The following APEX1 variants were observed in gnomAD, a reference collection of about 807,000 sequenced individuals.
APEX1 encodes the protein DNA repair nuclease/redox regulator APEX1.
APEX1 carries 32 observed loss-of-function variants against 33.2 expected under a neutral mutation model. That is an observed-to-expected ratio of 0.96 (90% CI 0.73 to 1.29). The LOEUF is 1.29. Among genes scored for constraint, APEX1 ranks in the 50% most tolerant of loss-of-function variants. The probability of loss-of-function intolerance (pLI) is 0.00; values close to 1 mark genes in which losing one functional copy is unlikely to be tolerated. For missense variants in APEX1, 442 were observed against 395.6 expected, an observed-to-expected ratio of 1.12 and a Z score of -0.99; for synonymous variants, 175 against 156.6, an observed-to-expected ratio of 1.12 and a Z score of -0.88.
In APEX1 at chr14:20,457,354, CTTATA is replaced by C; in HGVS notation, c.805_809del (p.Tyr269AspfsTer13). The C allele has an allele frequency of 6.2e-7, 1 of 1,614,244 alleles. No homozygotes were observed. Among genetic ancestry groups the C allele is most frequent in the Non-Finnish European group, 8.5e-7 (1 of 1,180,042 alleles). On this transcript the variant is annotated frameshift_variant, in exon 5 of 5. Transcript: ENST00000216714. LOFTEE classifies it high-confidence loss of function. ...ACACCCTATGCCTACACCTTTTGGA[CTTATA>C]TGATGAATGCTCGATCCAAGAATGT...
rs1190749588 is a variant in APEX1 at position 20,455,559 on chromosome 14, G to T, written c.-68-19G>T. Reference sequence around the variant, plus strand: ...TCTCCCCAGCCTTAGCTGGTTTCATGATTTCTTTGCGTCTGTAGGCAACGC... The same window carrying T: ...TCTCCCCAGCCTTAGCTGGTTTCATTATTTCTTTGCGTCTGTAGGCAACGC... On this transcript the variant is annotated intron_variant, in intron 1 of 4. Transcript: ENST00000216714. The T allele has an allele frequency of 3.7e-6, 6 of 1,608,662 alleles. No individual in the cohort carries two copies. Among genetic ancestry groups the T allele is most frequent in the South Asian group, 1.1e-5 (1 of 90,530 alleles).
At chr14:20,456,139 T>C (rs762774356) in intron 3 of APEX1, 38 bp downstream of exon 3, 134 of 1,605,020 alleles carry the variant, frequency 8.3e-5, no homozygotes, top group Non-Finnish European at 1.1e-4. Flanking sequence ...TTTTTTAGTA[T>C]TGAATGGTCT....
rs1881273993 is a variant in APEX1, at chr14:20,455,455, A to C, written c.-69+61A>C. The C allele has an allele frequency of 3.4e-6, 3 of 887,914 alleles. No homozygotes were observed. The Admixed American group carries it at 6.5e-5, about 19-fold the overall frequency. 55.0% of individuals were successfully genotyped at this position (887,914 alleles called of 1,614,324 possible). ...TGAGGGGCTGAAGGGCCTATGATGC[A>C]CGGAGGCGGGGAAAGGATTTAGAGA... is the stretch of plus-strand genomic sequence containing the variant. On this transcript the variant is annotated intron_variant, in intron 1 of 4. Coordinates refer to ENST00000216714, the MANE Select transcript of APEX1 (RefSeq NM_001641.4).
chr14:20,456,176 T>G, intron 3 of APEX1, 75 bp downstream of exon 3: 1 of 1,538,906 alleles, frequency 6.5e-7, no homozygotes, highest in Non-Finnish European at 9.0e-7. Flanking sequence ...CTTTTCTCCG[T>G]TTAGCCTTCA....
In APEX1 at chr14:20,455,583, G is replaced by A. The variant is rs1011661042; in HGVS notation, c.-63G>A. On this transcript the variant is annotated 5_prime_UTR_variant, in exon 2 of 5. Coordinates refer to ENST00000216714, the MANE Select transcript of APEX1 (RefSeq NM_001641.4). ...TGATTTCTTTGCGTCTGTAGGCAAC[G>A]CGGTAAAAATATTGCTTCGGTGGGT... 3 of 1,611,912 alleles carry A rather than the reference G, an allele frequency of 1.9e-6. No homozygotes were observed. The highest frequency in any genetic ancestry group is 2.5e-6 in the Non-Finnish European group (3 of 1,179,880).
At chr14:20,455,871 G>T (rs766565489) in intron 2 of APEX1, 43 bp from the exon 3 acceptor site, 2 of 1,613,814 alleles carry the variant, frequency 1.2e-6, no homozygotes, top group Admixed American at 1.7e-5. Context: ...ATCGCAGTTG[G>T]AAACCACCAG....
Position 20,455,405 on chromosome 14 carries a change from C to A in APEX1, c.-69+11C>A. 1 of 621,828 alleles carries A rather than the reference C, an allele frequency of 1.6e-6. No individual in the cohort carries two copies. Among genetic ancestry groups the A allele is most frequent in the Non-Finnish European group, 2.8e-6 (1 of 353,502 alleles). The allele number at this position is 621,828 out of a possible 1,614,324, so 38.5% of individuals were successfully genotyped here. A position where few individuals can be genotyped will look rare whatever the true frequency, so the allele number is the denominator to read the frequency against. On this transcript the variant is annotated intron_variant, in intron 1 of 4. Transcript: ENST00000216714. ...GATCTCGCGAGTAGGGTACAAGGCACTATGAAATGATCTAGTTTCGTGGGT... is the reference window on the plus strand; with the variant it reads ...GATCTCGCGAGTAGGGTACAAGGCAATATGAAATGATCTAGTTTCGTGGGT...
At position 20,457,544 on chromosome 14, in the gene APEX1, GCC is replaced by G. The variant is rs765357238; in HGVS notation, c.*40_*41del. 1.2e-6 allele frequency: 2 copies of G among 1,605,894 alleles called. No individual in the cohort carries two copies. Among genetic ancestry groups the G allele is most frequent in the Non-Finnish European group, 1.7e-6 (2 of 1,175,808 alleles). Reference sequence around the variant, plus strand: ...AAATCACTTTGAGCCTGGGAAATAAGCCCCCTCAACTACCATTCCTTCTTTAA... The same window carrying G: ...AAATCACTTTGAGCCTGGGAAATAAGCCCTCAACTACCATTCCTTCTTTAA... On this transcript the variant is annotated 3_prime_UTR_variant, in exon 5 of 5. Coordinates refer to ENST00000216714, the MANE Select transcript of APEX1 (RefSeq NM_001641.4).
At position 20,455,673 on chromosome 14, in the gene APEX1, G is replaced by A. The variant is rs1427476856; in HGVS notation, c.28G>A (p.Val10Met). MPKRGKKGA[V>M]AEDGDELRTE... ...GCCGAAGCGTGGGAAAAAGGGAGCG[G>A]TGGCGGAAGACGGGGATGAGCTCAG... The change falls in exon 2 of 5, where the codon GTG (valine) becomes ATG (methionine). Residue 10 changes from valine (V) to methionine (M), a missense_variant. Val to Met is a conservative substitution (Grantham distance 21). Transcript: ENST00000216714. The A allele has an allele frequency of 3.7e-6, 6 of 1,614,090 alleles. No homozygotes were observed. The highest frequency in any genetic ancestry group is 5.1e-6 in the Non-Finnish European group (6 of 1,180,048).
At position 20,457,397 on chromosome 14, in the gene APEX1, T is replaced by TC; in HGVS notation, c.846_847insC (p.Asp283ArgfsTer15). On this transcript the variant is annotated frameshift_variant, in exon 5 of 5. Coordinates refer to ENST00000216714, the MANE Select transcript of APEX1 (RefSeq NM_001641.4). LOFTEE classifies it high-confidence loss of function. ...GATCCAAGAATGTTGGTTGGCGCCT[T>TC]GATTACTTTTTGTTGTCCCACTCTC... 6.2e-7 allele frequency: 1 copy of TC among 1,614,210 alleles called. No individual in the cohort carries two copies. Among genetic ancestry groups the TC allele is most frequent in the Admixed American group, 1.7e-5 (1 of 60,022 alleles).
chr14:20,456,965 A>T, intron 4 of APEX1, 26 bp from the exon 5 acceptor site: 1 of 1,610,678 alleles, frequency 6.2e-7, no homozygotes, highest in South Asian at 1.1e-5. Context: ...ATAGTTTTTT[A>T]TGCTAATTCT....
chr14:20,455,617 A>C lies in APEX1; in HGVS notation c.-29A>C. On this transcript the variant is annotated 5_prime_UTR_variant, in exon 2 of 5. Coordinates refer to ENST00000216714, the MANE Select transcript of APEX1 (RefSeq NM_001641.4). ...ATATTGCTTCGGTGGGTGACGCGGT[A>C]CAGCTGCCCAAGGGCGTTCGTAACG... 6.2e-7 allele frequency: 1 copy of C among 1,612,726 alleles called. No individual in the cohort carries two copies. Among genetic ancestry groups the C allele is most frequent in the Non-Finnish European group, 8.5e-7 (1 of 1,180,020 alleles).
At chr14:20,455,887 T>G (rs1034091241) in intron 2 of APEX1, 27 bp from the exon 3 acceptor site, 7 of 1,613,948 alleles carry the variant, frequency 4.3e-6, no homozygotes, top group Non-Finnish European at 5.9e-6. Context: ...ACCAGCTTTT[T>G]GTCAGTATAT....
In APEX1 at chr14:20,457,000, A is replaced by G. The variant is rs560607339; in HGVS notation, c.449A>G (p.Glu150Gly). 4.6e-5 allele frequency: 75 copies of G among 1,613,890 alleles called. No homozygotes were observed. In the South Asian group the frequency reaches 7.6e-4, roughly 16 times the overall value. ...LKVSYGIGDE[E>G]HDQEGRVIVA... is the part of the protein sequence containing the mutation. ...TGTTTCATTTCTATAGGCGATGAGG[A>G]GCATGATCAGGAAGGCCGGGTGATT... The change falls in exon 5 of 5, where the codon GAG (glutamate) becomes GGG (glycine). Residue 150 changes from glutamate (E) to glycine (G), a missense_variant. Physicochemically the swap from Glu to Gly is moderately conservative, Grantham distance 98 (BLOSUM62 -2). Transcript: ENST00000216714.
At position 20,455,279 on chromosome 14, in the gene APEX1, A is replaced by G; in HGVS notation, c.-184A>G. On this transcript the variant is annotated 5_prime_UTR_variant, in exon 1 of 5. In the 5' UTR this introduces an upstream ATG that the reference lacks. Coordinates refer to ENST00000216714, the MANE Select transcript of APEX1 (RefSeq NM_001641.4). ...AGGCTGCCATCGGGCCGGTGCAGAT[A>G]CGGGGTTGCTCTTTTGCTCATAAGA... 7.4e-6 allele frequency: 3 copies of G among 404,788 alleles called. No individual in the cohort carries two copies. Among genetic ancestry groups the G allele is most frequent in the South Asian group, 7.0e-5 (3 of 42,798 alleles). 25.1% of individuals were successfully genotyped at this position (404,788 alleles called of 1,614,324 possible).
rs759225207 is a variant in APEX1, at chr14:20,457,526, T to C, written c.*18T>C. 7.4e-6 allele frequency: 12 copies of C among 1,612,622 alleles called. No homozygotes were observed. The highest frequency in any genetic ancestry group is 3.3e-5 in the South Asian group (3 of 91,070). ...CACTGTGACACCACCCCTAAATCAC[T>C]TTGAGCCTGGGAAATAAGCCCCCTC... On this transcript the variant is annotated 3_prime_UTR_variant, in exon 5 of 5. Coordinates refer to ENST00000216714, the MANE Select transcript of APEX1 (RefSeq NM_001641.4).
Position 20,457,014 on chromosome 14 carries a change from G to A in APEX1, c.463G>A (p.Gly155Ser). 6.2e-7 allele frequency: 1 copy of A among 1,614,128 alleles called. No individual in the cohort carries two copies. Among genetic ancestry groups the A allele is most frequent in the East Asian group, 2.2e-5 (1 of 44,886 alleles). Residue 155 changes from glycine (G) to serine (S), a missense_variant, in exon 5 of 5, where the codon GGC becomes AGC. Physicochemically the swap from Gly to Ser is moderately conservative, Grantham distance 56. Coordinates refer to ENST00000216714, the MANE Select transcript of APEX1 (RefSeq NM_001641.4). ...AGGCGATGAGGAGCATGATCAGGAA[G>A]GCCGGGTGATTGTGGCTGAATTTGA... ...GIGDEEHDQE[G>S]RVIVAEFDSF...
Position 20,456,010 on chromosome 14 carries a change from A to C in APEX1, c.155A>C (p.Lys52Thr). The C allele has an allele frequency of 6.2e-7, 1 of 1,614,192 alleles. No individual in the cohort carries two copies. Among genetic ancestry groups the C allele is most frequent in the Non-Finnish European group, 8.5e-7 (1 of 1,180,044 alleles). ...PALYEDPPDQ[K>T]TSPSGKPATL... ...CTGTATGAGGACCCCCCAGATCAGA[A>C]AACCTCACCCAGTGGCAAACCTGCC... Residue 52 changes from lysine (K) to threonine (T), a missense_variant, in exon 3 of 5, where the codon AAA becomes ACA. Physicochemically the swap from Lys to Thr is moderately conservative, Grantham distance 78. Transcript: ENST00000216714.
Position 20,457,378 on chromosome 14 carries a change from A to G in APEX1, c.827A>G (p.Lys276Arg), listed in dbSNP as rs1366849589. The G allele has an allele frequency of 3.1e-6, 5 of 1,614,222 alleles. No homozygotes were observed. The highest frequency in any genetic ancestry group is 1.3e-5 in the African/African-American group (1 of 75,052). ...FWTYMMNARS[K>R]NVGWRLDYFL... ...ACTTATATGATGAATGCTCGATCCAAGAATGTTGGTTGGCGCCTTGATTAC... is the reference window on the plus strand; with the variant it reads ...ACTTATATGATGAATGCTCGATCCAGGAATGTTGGTTGGCGCCTTGATTAC... The change falls in exon 5 of 5, where the codon AAG (lysine) becomes AGG (arginine). Residue 276 changes from lysine (K) to arginine (R), a missense_variant. Lys to Arg is a conservative substitution (Grantham distance 26, BLOSUM62 2). Transcript: ENST00000216714.
Sources: allele counts gnomAD v4.1 joint callset, GRCh38; gene constraint gnomAD v4.1.1; transcripts MANE v1.5; gene names NCBI Gene and HGNC (gene_info 2026-07-23, HGNC 2026-07-21).